MARCHF1: variants seen among roughly 807,000 people sequenced by gnomAD.
The protein encoded by MARCHF1 is E3 ubiquitin-protein ligase MARCHF1.
Under a neutral mutation model 54.2 loss-of-function variants are expected in MARCHF1, and 40 were observed. The observed-to-expected ratio is 0.74, with a 90% confidence interval of 0.57 to 0.96. The LOEUF (loss-of-function observed/expected upper bound fraction) is 0.96, where lower values mean the gene tolerates loss of function less well. MARCHF1 is among the 40% of genes least tolerant of loss of function. MARCHF1 has a pLI of 0.00. For missense variants in MARCHF1, 586 were observed against 656.5 expected (o/e 0.89, Z 1.17); for synonymous variants, 236 against 236.3 (o/e 1.00, Z 0.01).
intron 1 of MARCHF1, among the ~76,000 whole-genome samples, chr4:164,299,341 A>C (rs1025116771): frequency 6.6e-6 from 1 of 152,156 alleles, no homozygotes; most frequent in South Asian, 2.1e-4. Context: ...AAAAGTCCTG[A>C]CAACTTTGAC....
chr4:164,000,543 G>T (rs1437630986), intron 2 of MARCHF1, among the ~76,000 whole-genome samples: 1 of 151,606 alleles, frequency 6.6e-6, no homozygotes, highest in African/African-American at 2.4e-5. Flanking sequence ...CAAGCTTTAA[G>T]ATACTTAAAA....
At chr4:163,628,044 C>G (rs1373375485) in intron 5 of MARCHF1, among the ~76,000 whole-genome samples, 1 of 151,582 alleles carries the variant, frequency 6.6e-6, no homozygotes, top group Admixed American at 6.6e-5. Flanking sequence ...AGATGAGGCA[C>G]TAATAGCACA....
intron 3 of MARCHF1, among the ~76,000 whole-genome samples, chr4:163,940,411 A>G (rs1451441906): frequency 6.6e-6 from 1 of 152,156 alleles, no homozygotes; most frequent in Non-Finnish European, 1.5e-5. Context: ...ATCTATAAAT[A>G]TGCCAAAAAG....
At chr4:164,276,562 A>G (rs1733887634) in intron 1 of MARCHF1, among the ~76,000 whole-genome samples, 1 of 151,234 alleles carries the variant, frequency 6.6e-6, no homozygotes, top group Non-Finnish European at 1.5e-5. Flanking sequence ...ATATATATAA[A>G]TTACAATGAT....
intron 4 of MARCHF1, among the ~76,000 whole-genome samples, chr4:163,776,481 T>A (rs956659355): frequency 7.9e-5 from 12 of 152,080 alleles, no homozygotes; most frequent in Admixed American, 5.2e-4. Context: ...CATAAAATGT[T>A]CATCCAAGAT....
intron 4 of MARCHF1, among the ~76,000 whole-genome samples, chr4:163,806,047 G>A (rs138034537): frequency 6.4e-4 from 97 of 152,270 alleles, no homozygotes; most frequent in African/African-American, 2.3e-3. Flanking sequence ...TGGATTTTCT[G>A]TTAGTTCATG....
At chr4:163,722,989 CTG>C (rs1745528340) in intron 4 of MARCHF1, among the ~76,000 whole-genome samples, 2 of 152,148 alleles carry the variant, frequency 1.3e-5, no homozygotes, top group African/African-American at 4.8e-5. Flanking sequence ...ATTTGCCAGT[CTG>C]TGTCTTTTAA....
intron 1 of MARCHF1, among the ~76,000 whole-genome samples, chr4:164,309,708 T>A (rs568846970): frequency 6.6e-6 from 1 of 152,330 alleles, no homozygotes; most frequent in East Asian, 1.9e-4. Context: ...AATAATTAGT[T>A]GTGGAATTGA....
At chr4:163,524,653 ATGTG>A (rs1738038014), downstream of MARCHF1, 1 of 152,224 alleles carries the variant, frequency 6.6e-6, no homozygotes, top group Admixed American at 6.5e-5. Flanking sequence ...TAAAAAATGT[ATGTG>A]TGTTTGGATG....
At position 163,524,728 on chromosome 4, in the gene MARCHF1, G is replaced by C. The variant is rs1006907262; in HGVS notation, c.*4020C>G. ...TGTGGAAACCACAACTAAGGTTTGC[G>C]TCACTTGTTTAATATACAAAGTCTT... On this transcript the variant is annotated 3_prime_UTR_variant, in exon 10 of 10. Transcript: ENST00000514618. 1 of 152,186 alleles carries C rather than the reference G, an allele frequency of 6.6e-6. No homozygotes were observed. Among genetic ancestry groups the C allele is most frequent in the Non-Finnish European group, 1.5e-5 (1 of 68,022 alleles). The allele number at this position is 152,186 out of a possible 1,614,324, so 9.4% of individuals were successfully genotyped here. A position where few individuals can be genotyped will look rare whatever the true frequency, so the allele number is the denominator to read the frequency against.
At chr4:164,117,002 A>T (rs145726674) in intron 1 of MARCHF1, among the ~76,000 whole-genome samples, 1,780 of 152,226 alleles carry the variant, frequency 0.012, 51 homozygotes, top group African/African-American at 0.041. Context: ...TCACGCCTGT[A>T]ATGCCAGCAC....
At chr4:164,331,925 G>T (rs2110806582) in intron 1 of MARCHF1, among the ~76,000 whole-genome samples, 1 of 152,202 alleles carries the variant, frequency 6.6e-6, no homozygotes, top group African/African-American at 2.4e-5. Flanking sequence ...TACATGTATA[G>T]TCCTAGTCCC....
intron 1 of MARCHF1, among the ~76,000 whole-genome samples, chr4:164,237,636 T>C (rs937083361): frequency 5.3e-5 from 8 of 152,100 alleles, no homozygotes; most frequent in Non-Finnish European, 8.8e-5. Flanking sequence ...CTGATATTGC[T>C]TTTTATTCTA....
At chr4:164,200,228 C>T (rs1731416516) in intron 1 of MARCHF1, among the ~76,000 whole-genome samples, 2 of 151,892 alleles carry the variant, frequency 1.3e-5, no homozygotes, top group African/African-American at 4.8e-5. Context: ...ATTTGGATTC[C>T]TAGTGTCTAT....
At chr4:164,142,498 A>G (rs1331107320) in intron 1 of MARCHF1, among the ~76,000 whole-genome samples, 1 of 152,202 alleles carries the variant, frequency 6.6e-6, no homozygotes, top group East Asian at 1.9e-4. Flanking sequence ...CAGCCTCCTC[A>G]AGTGGGTCCC....
intron 5 of MARCHF1, among the ~76,000 whole-genome samples, chr4:163,619,583 C>A (rs1741614205): frequency 6.6e-6 from 1 of 151,856 alleles, no homozygotes; most frequent in Non-Finnish European, 1.5e-5. Context: ...TAGAATAGAA[C>A]TGAGAGGCTA....
Position 163,920,556 on chromosome 4 carries a change from A to G in MARCHF1, c.-38-66387T>C, listed in dbSNP as rs78490289. On this transcript the variant is annotated intron_variant, in intron 3 of 9. Transcript: ENST00000514618. The stretch of plus-strand genomic sequence containing the variant: ...CCCTAGACAGCTTCCCTGGAGACAG[A>G]CTGCTGACCCTATGCTACTATAGCC... Among the ~76,000 whole-genome samples the G allele has an allele frequency of 7.2e-3, 1,092 of 152,222 alleles. 12 individuals carry two copies. Among genetic ancestry groups the G allele is most frequent in the East Asian group, 0.039 (203 of 5,158 alleles).
At chr4:164,189,197 C>T (rs79414747) in intron 1 of MARCHF1, 8,872 of 559,634 alleles carry the variant, frequency 0.016, 219 homozygotes, top group East Asian at 0.089. Flanking sequence ...AAAAAGAAGA[C>T]TGACAAAGAT....
chr4:164,268,913 T>C (rs770546752), intron 1 of MARCHF1, among the ~76,000 whole-genome samples: 45 of 152,194 alleles, frequency 3.0e-4, no homozygotes, highest in African/African-American at 9.9e-4. Context: ...GGAGAAAAGA[T>C]TGTGGATGAG....
Sources: allele counts gnomAD v4.1 joint callset (sites outside exome capture counted in the v4.1 genomes callset), GRCh38; gene constraint gnomAD v4.1.1; transcripts MANE v1.5; gene names NCBI Gene and HGNC (gene_info 2026-07-23, HGNC 2026-07-21).